C4orf54: variants seen among roughly 807,000 people sequenced by gnomAD.
The protein encoded by C4orf54 is uncharacterized protein C4orf54.
C4orf54 carries 67 observed loss-of-function variants against 80.1 expected under a neutral mutation model. The ratio of observed to expected loss-of-function variants is 0.84; its 90% CI spans 0.69 to 1.03. C4orf54 has a LOEUF of 1.03. Ranked by LOEUF, C4orf54 falls within the 50% of genes least tolerant of loss-of-function variation. The pLI is 0.00. For synonymous variants in C4orf54, 1,000 were observed against 917.0 expected (o/e 1.09, Z -1.64); for missense variants, 2,434 against 2,253.5 (o/e 1.08, Z -1.62).
Position 99,657,685 on chromosome 4 carries a change from A to G in C4orf54, c.-222T>C, listed in dbSNP as rs951941426. On this transcript the variant is annotated 5_prime_UTR_variant, in exon 1 of 3. Transcript: ENST00000511828. ...GAACAGACTCTATTAAAAGCAAAAAACAACTGATAAATAGAAAAACGATAA... is the reference window on the plus strand; with the variant it reads ...GAACAGACTCTATTAAAAGCAAAAAGCAACTGATAAATAGAAAAACGATAA... Among the ~76,000 whole-genome samples, 4 of 152,238 alleles carry G rather than the reference A, an allele frequency of 2.6e-5. No individual in the cohort carries two copies. Among genetic ancestry groups the G allele is most frequent in the African/African-American group, 9.6e-5 (4 of 41,462 alleles).
chr4:99,652,828 G>T lies in C4orf54; in HGVS notation c.1821C>A (p.Ser607Arg). 1 of 1,536,094 alleles carries T rather than the reference G, an allele frequency of 6.5e-7. No homozygotes were observed. The highest frequency in any genetic ancestry group is 8.7e-7 in the Non-Finnish European group (1 of 1,146,896). ...IRAKELVDYS[S>R]GASSAVSELD... ...GTTCGCTCACGGCACTGGAGGCTCC[G>T]CTGGAGTAGTCCACCAGCTCCTTCG... is the stretch of plus-strand genomic sequence containing the variant. Residue 607 changes from serine (S) to arginine (R), a missense_variant, in exon 2 of 3, where the codon AGC becomes AGA. Ser to Arg is a moderately radical substitution (Grantham distance 110). Coordinates refer to ENST00000511828, the MANE Select transcript of C4orf54 (RefSeq NM_001354435.2).
Position 99,654,435 on chromosome 4 carries a change from T to C in C4orf54, c.214A>G (p.Thr72Ala). Reference protein sequence around the residue: ...TSTASSRSLPTSLRLAAAPPQ... With the variant: ...TSTASSRSLPASLRLAAAPPQ... ...GGGGCCGCAGCAAGCCTGAGGGAGG[T>C]GGGAAGGCTCCTGGATGAGGCGGTG... Residue 72 changes from threonine (T) to alanine (A), a missense_variant, in exon 2 of 3, where the codon ACC becomes GCC. By Grantham distance (58) the Thr-to-Ala change is moderately conservative. Coordinates refer to ENST00000511828, the MANE Select transcript of C4orf54 (RefSeq NM_001354435.2). 1.3e-6 allele frequency: 1 copy of C among 743,634 alleles called. No individual in the cohort carries two copies. The highest frequency in any genetic ancestry group is 2.4e-6 in the Non-Finnish European group (1 of 422,852). 46.1% of individuals were successfully genotyped at this position (743,634 alleles called of 1,614,324 possible).
Position 99,653,893 on chromosome 4 carries a change from G to T in C4orf54, c.756C>A (p.Leu252=). ...SPQNNPASSQ[L]SRSQHSASEE... ...CAGAGGCAGAGTGCTGGGATCTAGA[G>T]AGTTGGGAGGAGGCAGGATTGTTCT... Residue 252 remains leucine, a synonymous_variant, in exon 2 of 3, where the codon CTC becomes CTA. Transcript: ENST00000511828. 1 of 1,536,328 alleles carries T rather than the reference G, an allele frequency of 6.5e-7. No individual in the cohort carries two copies. Among genetic ancestry groups the T allele is most frequent in the Non-Finnish European group, 8.7e-7 (1 of 1,146,904 alleles).
At chr4:99,648,586 T>TGTGTGTGTGTGTGTGTGTG in intron 2 of C4orf54, among the ~76,000 whole-genome samples, 3 of 151,216 alleles carry the variant, frequency 2.0e-5, no homozygotes, top group Admixed American at 6.6e-5. Flanking sequence ...TGTGTGTGTG[T>TGTGTGTGTGTGTGTGTGTG]AAGACACATT....
chr4:99,648,052 CTT>C (rs56172764), intron 2 of C4orf54, among the ~76,000 whole-genome samples: 1 of 141,624 alleles, frequency 7.1e-6, no homozygotes. Flanking sequence ...CTTTTTTTTT[CTT>C]TTTTTTTTTT....
rs995020770 is a variant in C4orf54 at position 99,653,170 on chromosome 4, G to C, written c.1479C>G (p.Pro493=). 6.5e-7 allele frequency: 1 copy of C among 1,536,170 alleles called. No individual in the cohort carries two copies. The highest frequency in any genetic ancestry group is 8.7e-7 in the Non-Finnish European group (1 of 1,146,908). Residue 493 remains proline (P), a synonymous_variant, in exon 2 of 3, where the codon CCC becomes CCG. Coordinates refer to ENST00000511828, the MANE Select transcript of C4orf54 (RefSeq NM_001354435.2). Reference sequence around the variant, plus strand: ...AAGCTGCCTCCGGGGTCTCAGGCAAGGGCTCAGTCAGGGGGGCAGTGCCAG... The same window carrying C: ...AAGCTGCCTCCGGGGTCTCAGGCAACGGCTCAGTCAGGGGGGCAGTGCCAG... ...TGPGTAPLTE[P]LPETPEAASG...
rs570931215 is a variant in C4orf54, at chr4:99,639,592, G to T, written c.*1641C>A. ...ATTTCATAGCTCATCAGCACAACAA[G>T]CAATTGAATCGTGATCAGAGCTGAC... On this transcript the variant is annotated 3_prime_UTR_variant, in exon 3 of 3. Transcript: ENST00000511828. 1 of 152,034 alleles carries T rather than the reference G, an allele frequency of 6.6e-6. No individual in the cohort carries two copies. The highest frequency in any genetic ancestry group is 1.5e-5 in the Non-Finnish European group (1 of 67,978). The allele number at this position is 152,034 out of a possible 1,614,324, so 9.4% of individuals were successfully genotyped here.
intron 2 of C4orf54, among the ~76,000 whole-genome samples, chr4:99,643,162 T>C (rs777778837): frequency 7.9e-5 from 12 of 152,198 alleles, no homozygotes; most frequent in Non-Finnish European, 1.3e-4. Flanking sequence ...TATGAGGATC[T>C]AGTTTCAAGG....
intron 2 of C4orf54, among the ~76,000 whole-genome samples, chr4:99,648,444 C>T (rs1726735876): frequency 6.6e-6 from 1 of 152,120 alleles, no homozygotes; most frequent in Non-Finnish European, 1.5e-5. Context: ...TGGGGATTAG[C>T]AGCAAAGCAT....
At chr4:99,646,209 T>G (rs1462385520) in intron 2 of C4orf54, among the ~76,000 whole-genome samples, 1 of 152,210 alleles carries the variant, frequency 6.6e-6, no homozygotes, top group Admixed American at 6.5e-5. Context: ...GTTATGACAG[T>G]TCTTGAACAC....
intron 2 of C4orf54, among the ~76,000 whole-genome samples, chr4:99,647,917 G>A (rs1455903390): frequency 2.6e-5 from 4 of 152,240 alleles, no homozygotes; most frequent in African/African-American, 7.2e-5. Context: ...GCTAACTCCC[G>A]AATGAAGGCT....
chr4:99,647,309 A>G (rs1726716471), intron 2 of C4orf54, among the ~76,000 whole-genome samples: 3 of 152,096 alleles, frequency 2.0e-5, no homozygotes, highest in Admixed American at 1.3e-4. Flanking sequence ...GCACCTCCAC[A>G]GCTTGCACAA....
rs1398427312 is a variant in C4orf54, at chr4:99,643,780, ACACACACACACACC to A, written c.*37-2598_*37-2585del. Among the ~76,000 whole-genome samples the A allele has an allele frequency of 3.2e-3, 451 of 142,152 alleles. 3 individuals carry two copies. Among genetic ancestry groups the A allele is most frequent in the African/African-American group, 0.011 (424 of 37,592 alleles). 93.3% of individuals were successfully genotyped at this position (142,152 alleles called of 152,430 possible). A position where few individuals can be genotyped will look rare whatever the true frequency, so the allele number is the denominator to read the frequency against. On this transcript the variant is annotated intron_variant, in intron 2 of 2. Coordinates refer to ENST00000511828, the MANE Select transcript of C4orf54 (RefSeq NM_001354435.2). ...CACACACACACACACACACACACAC[ACACACACACACACC>A]CCCTCCGCGGCAGTAAAACGGCCAG...
Position 99,649,984 on chromosome 4 carries a change from G to A in C4orf54, c.4665C>T (p.Pro1555=), listed in dbSNP as rs1302029829. ...APPGPQSPEH[P]PTTIYHQPPL... ...GCGGCTGGTGGTAGATGGTGGTGGG[G>A]GGATGCTCGGGGCTCTGTGGCCCTG... is the stretch of plus-strand genomic sequence containing the variant. Residue 1555 remains proline, a synonymous_variant, in exon 2 of 3, where the codon CCC becomes CCT. Coordinates refer to ENST00000511828, the MANE Select transcript of C4orf54 (RefSeq NM_001354435.2). 4 of 1,535,356 alleles carry A rather than the reference G, an allele frequency of 2.6e-6. No individual in the cohort carries two copies. Among genetic ancestry groups the A allele is most frequent in the Non-Finnish European group, 3.5e-6 (4 of 1,146,552 alleles).
At position 99,653,505 on chromosome 4, in the gene C4orf54, T is replaced by C. The variant is rs1356218178; in HGVS notation, c.1144A>G (p.Met382Val). The C allele has an allele frequency of 4.6e-6, 7 of 1,536,084 alleles. No individual in the cohort carries two copies. In the Admixed American group the frequency reaches 1.4e-4, roughly 30 times the overall value. ...EIQLSEVEQD[M>V]DFDVGLASRW... is the part of the protein sequence containing the mutation. ...GAGGCCAGTCCCACGTCGAAATCCA[T>C]GTCCTGTTCCACCTCACTCAGCTGG... Residue 382 changes from methionine (M) to valine (V), a missense_variant, in exon 2 of 3, where the codon ATG (methionine) becomes GTG (valine). Coordinates refer to ENST00000511828, the MANE Select transcript of C4orf54 (RefSeq NM_001354435.2).
chr4:99,645,019 A>T (rs967094511), intron 2 of C4orf54, among the ~76,000 whole-genome samples: 1 of 151,990 alleles, frequency 6.6e-6, no homozygotes, highest in Non-Finnish European at 1.5e-5. Flanking sequence ...AAGAAGAAGA[A>T]GGCGCCTGTG....
Position 99,652,069 on chromosome 4 carries a change from CCT to C in C4orf54, c.2578_2579del (p.Arg860GlyfsTer63). 1 of 1,536,118 alleles carries C rather than the reference CCT, an allele frequency of 6.5e-7. No homozygotes were observed. The highest frequency in any genetic ancestry group is 1.4e-5 in the African/African-American group (1 of 73,164). On this transcript the variant is annotated frameshift_variant, in exon 2 of 3. Transcript: ENST00000511828. LOFTEE classifies it high-confidence loss of function. ...GACGAGAGCTCTGCCTCTGCAGGCC[CCT>C]CTCTCGCTGCCTCTCGCTCCCGCGG... is the stretch of plus-strand genomic sequence containing the variant. ...GARGSERQRE[R>X]GLQRQSSRHS...
chr4:99,654,289 C>T lies in C4orf54; in HGVS notation c.360G>A (p.Gln120=). The T allele has an allele frequency of 6.5e-7, 1 of 1,534,270 alleles. No individual in the cohort carries two copies. Among genetic ancestry groups the T allele is most frequent in the East Asian group, 2.4e-5 (1 of 40,902 alleles). The part of the protein sequence containing the change: ...LRATLQPLRG[Q]RRTQDFPSDH... ...CGCTGGGGAAGTCTTGGGTCCGTCT[C>T]TGGCCCCGGAGGGGCTGCAGAGTTG... is the stretch of plus-strand genomic sequence containing the variant. Residue 120 remains glutamine (Q), a synonymous_variant, in exon 2 of 3, where the codon CAG becomes CAA. Transcript: ENST00000511828.
chr4:99,642,861 G>T (rs1347965871), intron 2 of C4orf54, among the ~76,000 whole-genome samples: 1 of 152,160 alleles, frequency 6.6e-6, no homozygotes, highest in Admixed American at 6.5e-5. Flanking sequence ...CCAGACAGAG[G>T]GGAAAATCAC....
Sources: gnomAD v4.1 joint callset for allele counts (sites outside exome capture counted in the v4.1 genomes callset) on GRCh38, gnomAD v4.1.1 for gene constraint, MANE v1.5 for transcripts, NCBI Gene and HGNC (gene_info 2026-07-23, HGNC 2026-07-21) for gene names.